Variants in SYNRG observed in about 807,000 individuals in gnomAD.
SYNRG encodes synergin gamma.
Under a neutral mutation model 130.9 loss-of-function variants are expected in SYNRG, and 37 were observed. The ratio of observed to expected loss-of-function variants is 0.28; its 90% CI spans 0.22 to 0.37. The LOEUF (loss-of-function observed/expected upper bound fraction) is 0.37. Ranked by LOEUF, SYNRG falls within the 10% of genes least tolerant of loss-of-function variation. The pLI, the probability that SYNRG is intolerant of heterozygous loss-of-function variation, is 1.00. For missense variants in SYNRG, 1,338 were observed against 1,588.9 expected, an observed-to-expected ratio of 0.84 and a Z score of 2.68; for synonymous variants, 539 against 568.1, an observed-to-expected ratio of 0.95 and a Z score of 0.73.
At chr17:37,523,697 A>T (rs1454030287) in intron 19 of SYNRG, among the ~76,000 whole-genome samples, 1 of 152,176 alleles carries the variant, frequency 6.6e-6, no homozygotes, top group Non-Finnish European at 1.5e-5. Context: ...TGTGAGCTCC[A>T]AGCAGCAAAC....
chr17:37,543,022 T>C lies in SYNRG; in HGVS notation c.2609-457A>G, dbSNP rs535184505. ...TGGCAAAATAATTAAAAGTTGACAG[T>C]TTCTCAAAACTAAAATGAAAATAAT... is the stretch of plus-strand genomic sequence containing the variant. On this transcript the variant is annotated intron_variant, in intron 14 of 21. Transcript: ENST00000612223. Among the ~76,000 whole-genome samples, 10 of 152,298 alleles carry C rather than the reference T, an allele frequency of 6.6e-5. No homozygotes were observed. In the East Asian group the frequency reaches 1.5e-3, roughly 24 times the overall value.
At chr17:37,583,868 T>A (rs934551516) in intron 6 of SYNRG, among the ~76,000 whole-genome samples, 1 of 152,138 alleles carries the variant, frequency 6.6e-6, no homozygotes, top group Non-Finnish European at 1.5e-5. Context: ...CTTATTTTTG[T>A]ATTTTTAGTA....
In SYNRG at chr17:37,586,510, G is replaced by A. The variant is rs1235357308; in HGVS notation, c.280C>T (p.Pro94Ser). 1 of 1,614,020 alleles carries A rather than the reference G, an allele frequency of 6.2e-7. No individual in the cohort carries two copies. The highest frequency in any genetic ancestry group is 1.3e-5 in the African/African-American group (1 of 74,916). ...AGGAAGGGTGCTTGTCCTAGGTAAGGCATTCCCGCTGCTGGCATTGGTCCC... is the reference window on the plus strand; with the variant it reads ...AGGAAGGGTGCTTGTCCTAGGTAAGACATTCCCGCTGCTGGCATTGGTCCC... ...PMGPMPAAGM[P>S]YLGQAPFLGM... is the part of the protein sequence containing the mutation. Residue 94 changes from proline to serine, a missense_variant, in exon 4 of 22, where the codon CCT (proline) becomes TCT (serine). Around this residue, in one of 3 missense-constraint regions of SYNRG, gnomAD observed 184 missense variants for 217.2 expected, o/e 0.85. Transcript: ENST00000612223.
rs1483515485 is a variant in SYNRG, at chr17:37,520,399, GCTC to G, written c.3777+136_3777+138del. 14 of 1,073,100 alleles carry G rather than the reference GCTC, an allele frequency of 1.3e-5. No individual in the cohort carries two copies. In the East Asian group the frequency reaches 3.5e-4, roughly 27 times the overall value. The allele number at this position is 1,073,100 out of a possible 1,614,324, so 66.5% of individuals were successfully genotyped here. A position where few individuals can be genotyped will look rare whatever the true frequency, so the allele number is the denominator to read the frequency against. ...GCTGCCCTCTCGAGGGAATGTGTCT[GCTC>G]CTACCATCAGCTTTTAGGACTTGAG... On this transcript the variant is annotated intron_variant, in intron 20 of 21. Coordinates refer to ENST00000612223, the MANE Select transcript of SYNRG (RefSeq NM_007247.6).
rs150066338 is a variant in SYNRG at position 37,529,698 on chromosome 17, C to T, written c.3666+6281G>A. ...GAGAGGAGCTACCTCAAGAAGTAAA[C>T]GCACAGCAGCAACCCAGGAATCTCC... On this transcript the variant is annotated intron_variant, in intron 19 of 21. Coordinates refer to ENST00000612223, the MANE Select transcript of SYNRG (RefSeq NM_007247.6). The T allele has an allele frequency of 2.7e-4, 355 of 1,315,880 alleles. No individual in the cohort carries two copies. The African/African-American group carries it at 4.3e-3, about 16-fold the overall frequency. 81.5% of individuals were successfully genotyped at this position (1,315,880 alleles called of 1,614,324 possible).
intron 1 of SYNRG, among the ~76,000 whole-genome samples, chr17:37,607,776 G>A (rs1264260791): frequency 2.0e-5 from 3 of 151,890 alleles, no homozygotes; most frequent in East Asian, 1.9e-4. Context: ...GTGACAGAAC[G>A]AGACTCTGTC....
intron 1 of SYNRG, among the ~76,000 whole-genome samples, chr17:37,607,713 C>T (rs1484858989): frequency 2.0e-5 from 3 of 152,042 alleles, no homozygotes; most frequent in South Asian, 4.1e-4. Context: ...CGCTTGAACC[C>T]GGGAGGTCGA....
At chr17:37,545,018 G>A (rs923003614) in intron 14 of SYNRG, among the ~76,000 whole-genome samples, 1 of 151,790 alleles carries the variant, frequency 6.6e-6, no homozygotes, top group African/African-American at 2.4e-5. Flanking sequence ...TTAGGAGTTC[G>A]AGACCAGCCT....
intron 19 of SYNRG, among the ~76,000 whole-genome samples, chr17:37,523,360 A>G (rs1163424451): frequency 1.3e-5 from 2 of 152,020 alleles, no homozygotes; most frequent in African/African-American, 4.8e-5. Flanking sequence ...AGGTCTCGCT[A>G]TGTTGCCCAG....
At chr17:37,554,800 T>A (rs1269278662) in intron 13 of SYNRG, among the ~76,000 whole-genome samples, 1 of 152,160 alleles carries the variant, frequency 6.6e-6, no homozygotes, top group East Asian at 1.9e-4. Context: ...TCTCACTGTA[T>A]CAATGAGCAC....
intron 3 of SYNRG, among the ~76,000 whole-genome samples, chr17:37,591,095 A>C (rs1489832178): frequency 2.6e-5 from 4 of 152,174 alleles, no homozygotes; most frequent in African/African-American, 9.7e-5. Context: ...ATCCACAAAA[A>C]AATTCCCAGA....
chr17:37,569,276 G>A (rs1283558200), intron 10 of SYNRG, among the ~76,000 whole-genome samples: 1 of 152,056 alleles, frequency 6.6e-6, no homozygotes, highest in Admixed American at 6.5e-5. Context: ...TGCGCATGGT[G>A]GCATGTGCCT....
chr17:37,608,986 G>GCCCCCCCC (rs149268463), intron 1 of SYNRG, among the ~76,000 whole-genome samples: 13 of 107,000 alleles, frequency 1.2e-4, no homozygotes, highest in Admixed American at 2.1e-4. Flanking sequence ...GATTTGCCCC[G>GCCCCCCCC]CCCCCCCCCA....
At chr17:37,578,192 G>A (rs1364260752) in intron 6 of SYNRG, among the ~76,000 whole-genome samples, 2 of 151,816 alleles carry the variant, frequency 1.3e-5, no homozygotes, top group African/African-American at 2.4e-5. Flanking sequence ...TTAGCCAGGC[G>A]TGGTGGCGGG....
intron 20 of SYNRG, 35 bp downstream of exon 20, chr17:37,520,503 C>T: frequency 6.3e-7 from 1 of 1,584,608 alleles, no homozygotes. Flanking sequence ...GTTAGGGAAG[C>T]CCTTTGCTGT....
At chr17:37,541,143 G>C (rs1292517463) in intron 15 of SYNRG, 3 of 985,314 alleles carry the variant, frequency 3.0e-6, no homozygotes, top group East Asian at 1.1e-4. Flanking sequence ...GAGAACAAAA[G>C]CACCTTTCTA....
chr17:37,562,332 T>TAGC (rs1225548659), intron 11 of SYNRG, among the ~76,000 whole-genome samples: 1 of 152,190 alleles, frequency 6.6e-6, no homozygotes, highest in South Asian at 2.1e-4. Flanking sequence ...GCGTAATGAG[T>TAGC]AGCATCTGTG....
At chr17:37,554,214 C>T (rs1020197808) in intron 13 of SYNRG, among the ~76,000 whole-genome samples, 155 bp from the exon 14 acceptor site, 1 of 152,222 alleles carries the variant, frequency 6.6e-6, no homozygotes, top group Non-Finnish European at 1.5e-5. Context: ...TATCGAACTA[C>T]ACATTTATTT....
intron 8 of SYNRG, among the ~76,000 whole-genome samples, chr17:37,573,236 T>C (rs1277379598): frequency 6.6e-6 from 1 of 151,996 alleles, no homozygotes; most frequent in African/African-American, 2.4e-5. Flanking sequence ...ATCCTGTCTC[T>C]ACTAAAAATA....
Sources: allele counts gnomAD v4.1 joint callset (sites outside exome capture counted in the v4.1 genomes callset), GRCh38; gene constraint gnomAD v4.1.1; regional missense constraint gnomAD v4.1.1; transcripts MANE v1.5; gene names NCBI Gene and HGNC (gene_info 2026-07-23, HGNC 2026-07-21).